Variants in ADAP2 observed in about 807,000 individuals in gnomAD.
ADAP2 encodes the protein ArfGAP with dual PH domains 2.
In ADAP2, 42 loss-of-function variants were observed where a neutral mutation model predicts 54.9. The observed-to-expected ratio is 0.77, with a 90% CI of 0.60 to 0.99. The LOEUF is 0.99. Among genes scored for constraint, ADAP2 ranks in the 50% least tolerant of loss-of-function variants. ADAP2 has a pLI of 0.00. For synonymous variants in ADAP2, 177 were observed against 180.1 expected, an observed-to-expected ratio of 0.98 and a Z score of 0.14; for missense variants, 429 against 480.4, an observed-to-expected ratio of 0.89 and a Z score of 1.00.
Position 30,926,926 on chromosome 17 carries a change from G to T in ADAP2, c.317+8G>T, listed in dbSNP as rs1468042233. On this transcript the variant is annotated splice_region_variant and intron_variant, in intron 3 of 10. Coordinates refer to ENST00000330889, the MANE Select transcript of ADAP2 (RefSeq NM_018404.3). ...CCAGGCCAACGACTGCCTGTGAGTG[G>T]GTGATTCCTTAGGGACTGGGTGAGG... is the stretch of plus-strand genomic sequence containing the variant. The T allele has an allele frequency of 6.2e-6, 10 of 1,608,260 alleles. No individual in the cohort carries two copies. Among genetic ancestry groups the T allele is most frequent in the Non-Finnish European group, 8.5e-6 (10 of 1,174,848 alleles).
intron 6 of ADAP2, among the ~76,000 whole-genome samples, chr17:30,946,896 G>T (rs554792796): frequency 6.6e-5 from 10 of 152,136 alleles, no homozygotes; most frequent in Non-Finnish European, 1.3e-4. Context: ...CCTTCCTAAG[G>T]GGCCCCTAGC....
chr17:30,957,694 G>A lies in ADAP2; in HGVS notation c.1112-141G>A, dbSNP rs547207470. 4.0e-6 allele frequency: 3 copies of A among 745,916 alleles called. No individual in the cohort carries two copies. In the East Asian group the frequency reaches 8.3e-5, roughly 21 times the overall value. 46.2% of individuals were successfully genotyped at this position (745,916 alleles called of 1,614,324 possible). A position where few individuals can be genotyped will look rare whatever the true frequency, so the allele number is the denominator to read the frequency against. On this transcript the variant is annotated intron_variant, in intron 10 of 10. Transcript: ENST00000330889. ...GATCCACCTGCCTCGGCCTCCCAAA[G>A]TGCTGGGATTACAGGCATGAGCCAC... is the stretch of plus-strand genomic sequence containing the variant.
chr17:30,934,416 C>A, intron 5 of ADAP2, 119 bp downstream of exon 5: 1 of 674,498 alleles, frequency 1.5e-6, no homozygotes, highest in Non-Finnish European at 2.5e-6. Context: ...GAGAGTTAGG[C>A]ACAACATTTG....
intron 1 of ADAP2, among the ~76,000 whole-genome samples, chr17:30,922,707 C>T (rs1214790466): frequency 6.6e-6 from 1 of 152,262 alleles, no homozygotes; most frequent in Non-Finnish European, 1.5e-5. Context: ...TGAGTCCCTT[C>T]ACTTCCACGT....
At chr17:30,957,782 C>T (rs552856316) in intron 10 of ADAP2, 53 bp from the exon 11 acceptor site, 6 of 1,581,626 alleles carry the variant, frequency 3.8e-6, no homozygotes, top group African/African-American at 1.3e-5. Flanking sequence ...CTCTCCTCCA[C>T]AGGACAGCAT....
At chr17:30,949,544 C>G (rs997873364) in intron 7 of ADAP2, among the ~76,000 whole-genome samples, 174 bp downstream of exon 7, 4 of 151,894 alleles carry the variant, frequency 2.6e-5, no homozygotes, top group East Asian at 1.9e-4. Context: ...GTCAGGAGAT[C>G]GAGACCATCC....
At chr17:30,957,692 A>G in intron 10 of ADAP2, 143 bp from the exon 11 acceptor site, 1 of 729,680 alleles carries the variant, frequency 1.4e-6, no homozygotes, top group Admixed American at 2.3e-5. Context: ...CGGCCTCCCA[A>G]AGTGCTGGGA....
intron 5 of ADAP2, among the ~76,000 whole-genome samples, chr17:30,944,692 A>G (rs982096271): frequency 1.3e-5 from 2 of 152,064 alleles, no homozygotes; most frequent in East Asian, 2.0e-4. Flanking sequence ...ACTCCTGACC[A>G]TAGGTGATCC....
chr17:30,922,832 G>C, intron 1 of ADAP2, 108 bp from the exon 2 acceptor site: 1 of 1,308,148 alleles, frequency 7.6e-7, no homozygotes, highest in Non-Finnish European at 1.1e-6. Context: ...CGCTTAGTTC[G>C]CCTTAGGTGG....
chr17:30,922,196 C>A, intron 1 of ADAP2, 88 bp downstream of exon 1: 1 of 976,374 alleles, frequency 1.0e-6, no homozygotes, highest in East Asian at 3.5e-5. Flanking sequence ...CCGGGTCCCG[C>A]CCTCGGCCCC....
At chr17:30,925,268 C>A (rs1217895055) in intron 2 of ADAP2, among the ~76,000 whole-genome samples, 1 of 148,872 alleles carries the variant, frequency 6.7e-6, no homozygotes, top group Non-Finnish European at 1.5e-5. Context: ...CGGCTCACTG[C>A]AACCTCCACC....
intron 7 of ADAP2, among the ~76,000 whole-genome samples, chr17:30,951,050 C>A (rs1480512917): frequency 6.6e-6 from 1 of 152,206 alleles, no homozygotes; most frequent in Non-Finnish European, 1.5e-5. Context: ...AGGTTCTGAG[C>A]AATCACCAGG....
chr17:30,949,515 G>A (rs1176721717), intron 7 of ADAP2, 145 bp downstream of exon 7: 4 of 647,974 alleles, frequency 6.2e-6, no homozygotes, highest in African/African-American at 1.8e-5. Context: ...TTGGGAGGCT[G>A]AGGCGGGCGG....
chr17:30,930,644 A>G (rs1337470323), intron 3 of ADAP2, among the ~76,000 whole-genome samples: 4 of 151,992 alleles, frequency 2.6e-5, no homozygotes, highest in African/African-American at 9.7e-5. Context: ...TTCACTTTTG[A>G]CCCTCTCAGT....
At chr17:30,926,716 T>G (rs1598024372) in intron 2 of ADAP2, 111 bp from the exon 3 acceptor site, 9 of 903,530 alleles carry the variant, frequency 1.0e-5, no homozygotes, top group Middle Eastern at 2.2e-4. Context: ...CGGTGGGACA[T>G]CTCCTTCTTG....
Position 30,946,605 on chromosome 17 carries a change from G to A in ADAP2, c.657+1552G>A, listed in dbSNP as rs1217132448. On this transcript the variant is annotated intron_variant, in intron 6 of 10. Transcript: ENST00000330889. ...CAGAATAAGCTGGGTCAGGTCCTGA[G>A]CAGGGTCACATAACTAGGCAGGGGA... Among the ~76,000 whole-genome samples the A allele has an allele frequency of 3.9e-5, 6 of 152,124 alleles. No homozygotes were observed. The East Asian group carries it at 1.2e-3, about 29-fold the overall frequency.
intron 5 of ADAP2, 58 bp from the exon 6 acceptor site, chr17:30,944,849 T>C (rs2142560750): frequency 1.3e-6 from 2 of 1,557,574 alleles, no homozygotes; most frequent in Non-Finnish European, 1.7e-6. Flanking sequence ...TTGGTGAAGG[T>C]TGACCAGAAG....
chr17:30,940,262 CT>C (rs1375978450), intron 5 of ADAP2, among the ~76,000 whole-genome samples: 2 of 150,738 alleles, frequency 1.3e-5, no homozygotes, highest in African/African-American at 4.9e-5. Context: ...CACGCCTGGC[CT>C]TTTTTTTTAC....
At chr17:30,933,098 C>T (rs937297428) in intron 4 of ADAP2, among the ~76,000 whole-genome samples, 1 of 152,100 alleles carries the variant, frequency 6.6e-6, no homozygotes, top group Non-Finnish European at 1.5e-5. Context: ...TGACTCTGAC[C>T]CAGACAGTAA....
Sources: allele counts gnomAD v4.1 joint callset (sites outside exome capture counted in the v4.1 genomes callset), GRCh38; gene constraint gnomAD v4.1.1; transcripts MANE v1.5; gene names NCBI Gene and HGNC (gene_info 2026-07-23, HGNC 2026-07-21).